MYRIP: variants seen among roughly 807,000 people sequenced by gnomAD.
MYRIP encodes the protein rab effector MyRIP.
Under a neutral mutation model 98.0 loss-of-function variants are expected in MYRIP, and 49 were observed. That is an observed-to-expected ratio of 0.50 (90% CI 0.40 to 0.63). The LOEUF (loss-of-function observed/expected upper bound fraction) is 0.63, where lower values mean the gene tolerates loss of function less well. Among genes scored for constraint, MYRIP ranks in the 30% least tolerant of loss-of-function variants. The pLI is 0.00. For missense variants in MYRIP, 1,004 were observed against 1,058.2 expected, an observed-to-expected ratio of 0.95 and a Z score of 0.71; for synonymous variants, 404 against 409.5, an observed-to-expected ratio of 0.99 and a Z score of 0.16.
At chr3:39,879,235 T>C (rs1354863703) in intron 1 of MYRIP, among the ~76,000 whole-genome samples, 1 of 151,980 alleles carries the variant, frequency 6.6e-6, no homozygotes, top group Non-Finnish European at 1.5e-5. Flanking sequence ...GAGAGTCATT[T>C]TGGGGAAATG....
intron 3 of MYRIP, among the ~76,000 whole-genome samples, chr3:40,122,924 T>C (rs759008580): frequency 6.6e-6 from 1 of 152,182 alleles, no homozygotes; most frequent in Non-Finnish European, 1.5e-5. Context: ...ATTTGTTCTA[T>C]AGGTAAATTG....
intron 1 of MYRIP, among the ~76,000 whole-genome samples, chr3:39,846,172 A>C (rs1354071509): frequency 7.0e-6 from 1 of 143,636 alleles, no homozygotes; most frequent in Non-Finnish European, 1.5e-5. Flanking sequence ...TGGTCCCCTG[A>C]ACTCTCTCAA....
chr3:40,038,489 A>C (rs1055378665), intron 2 of MYRIP, among the ~76,000 whole-genome samples: 3 of 152,128 alleles, frequency 2.0e-5, no homozygotes, highest in Non-Finnish European at 4.4e-5. Context: ...AAAATTAATG[A>C]AATAAGTAAA....
intron 1 of MYRIP, among the ~76,000 whole-genome samples, chr3:39,883,027 C>A (rs1238975230): frequency 2.6e-5 from 4 of 152,124 alleles, no homozygotes; most frequent in South Asian, 2.1e-4. Context: ...ACTGAAGAGT[C>A]ATTGGGCCAG....
intron 8 of MYRIP, among the ~76,000 whole-genome samples, chr3:40,172,867 G>A (rs1950647726): frequency 6.6e-6 from 1 of 152,042 alleles, no homozygotes; most frequent in Admixed American, 6.6e-5. Flanking sequence ...TGCATCTTGG[G>A]GCTGTCTCAT....
intron 1 of MYRIP, among the ~76,000 whole-genome samples, chr3:39,886,932 G>C (rs1333766574): frequency 4.5e-4 from 69 of 151,680 alleles, no homozygotes; most frequent in African/African-American, 1.4e-3. Flanking sequence ...TGACCACATA[G>C]TTGGAAGTAA....
chr3:40,151,087 TG>T lies in MYRIP; in HGVS notation c.373del (p.Val125Ter). On this transcript the variant is annotated frameshift_variant, in exon 4 of 17. Coordinates refer to ENST00000302541, the MANE Select transcript of MYRIP (RefSeq NM_015460.4). LOFTEE classifies it high-confidence loss of function. ...AQSLEWFYNN[V>X]KSRFKRFGSA... ...AATCTCTGGAATGGTTCTACAATAA[TG>T]TGAAGAGCCGCTTCAAGCGCTTTGG... 6.2e-7 allele frequency: 1 copy of T among 1,609,584 alleles called. No homozygotes were observed. Among genetic ancestry groups the T allele is most frequent in the Non-Finnish European group, 8.5e-7 (1 of 1,177,606 alleles).
chr3:39,963,347 G>A (rs948400086), intron 2 of MYRIP, among the ~76,000 whole-genome samples: 3 of 152,122 alleles, frequency 2.0e-5, no homozygotes, highest in Non-Finnish European at 4.4e-5. Flanking sequence ...TTTAAGTGAG[G>A]ATAACTCACT....
chr3:39,812,248 G>C (rs963202602), intron 1 of MYRIP, among the ~76,000 whole-genome samples: 2 of 152,008 alleles, frequency 1.3e-5, no homozygotes, highest in Admixed American at 1.3e-4. Context: ...GTTTTATCAG[G>C]TTAGTTTTAT....
At chr3:40,190,590 AGCTAAGTAGCTGAGT>A (rs1261418046) in intron 10 of MYRIP, 127 bp downstream of exon 10, 1 of 1,430,488 alleles carries the variant, frequency 7.0e-7, no homozygotes, top group Non-Finnish European at 9.2e-7. Context: ...TTGGTTTTGC[AGCTAAGTAGCTGAGT>A]GCCTCTAGAC....
intron 1 of MYRIP, among the ~76,000 whole-genome samples, chr3:39,832,112 G>T (rs1431373166): frequency 2.6e-5 from 4 of 152,180 alleles, no homozygotes; most frequent in Non-Finnish European, 5.9e-5. Flanking sequence ...CTCACCCTGT[G>T]TGCATTCTCT....
intron 4 of MYRIP, among the ~76,000 whole-genome samples, chr3:40,160,750 C>T (rs976487209): frequency 5.3e-5 from 8 of 152,130 alleles, no homozygotes; most frequent in East Asian, 3.9e-4. Context: ...GGGAGTGACC[C>T]GATTTTCCAG....
chr3:39,871,263 C>G (rs935420213), intron 1 of MYRIP, among the ~76,000 whole-genome samples: 26 of 152,188 alleles, frequency 1.7e-4, no homozygotes, highest in Non-Finnish European at 3.1e-4. Context: ...TAGCCAAGGG[C>G]TTCAAGTGTA....
intron 2 of MYRIP, among the ~76,000 whole-genome samples, chr3:40,019,055 T>C (rs1050704272): frequency 6.6e-6 from 1 of 152,206 alleles, no homozygotes. Flanking sequence ...CCAAAAGTTT[T>C]AACTAATGTC....
At chr3:40,220,414 C>G (rs967891245) in intron 11 of MYRIP, among the ~76,000 whole-genome samples, 1 of 152,240 alleles carries the variant, frequency 6.6e-6, no homozygotes, top group East Asian at 1.9e-4. Context: ...CTTGCTCATG[C>G]GTATGTCCTG....
At position 40,183,138 on chromosome 3, in the gene MYRIP, C is replaced by T. The variant is rs901841920; in HGVS notation, c.1027+765C>T. On this transcript the variant is annotated intron_variant, in intron 9 of 16. Coordinates refer to ENST00000302541, the MANE Select transcript of MYRIP (RefSeq NM_015460.4). The stretch of plus-strand genomic sequence containing the variant: ...TTCTTAACTATCTCAGCACGGAGAG[C>T]TCACGCCACTTTCACTCCCAACCTG... Among the ~76,000 whole-genome samples the T allele has an allele frequency of 3.3e-5, 5 of 152,142 alleles. No homozygotes were observed. The South Asian group carries it at 1.0e-3, about 32-fold the overall frequency.
At chr3:39,855,080 G>A (rs1465301983) in intron 1 of MYRIP, among the ~76,000 whole-genome samples, 3 of 152,198 alleles carry the variant, frequency 2.0e-5, no homozygotes, top group Non-Finnish European at 2.9e-5. Flanking sequence ...AGAGTCCTTG[G>A]TTATAGATAT....
At chr3:40,211,696 T>C (rs1007189589) in intron 11 of MYRIP, among the ~76,000 whole-genome samples, 1 of 152,176 alleles carries the variant, frequency 6.6e-6, no homozygotes, top group Non-Finnish European at 1.5e-5. Context: ...AATGGCTTTA[T>C]CTCCCACTGG....
At chr3:39,891,186 GT>G (rs138956165) in intron 1 of MYRIP, among the ~76,000 whole-genome samples, 8 of 150,698 alleles carry the variant, frequency 5.3e-5, no homozygotes, top group South Asian at 4.2e-4. Flanking sequence ...AAATCAGCCT[GT>G]TTTTTTTTAA....
Sources: allele counts gnomAD v4.1 joint callset (sites outside exome capture counted in the v4.1 genomes callset), GRCh38; gene constraint gnomAD v4.1.1; transcripts MANE v1.5; gene names NCBI Gene and HGNC (gene_info 2026-07-23, HGNC 2026-07-21).